The following PCSK2 variants were observed in gnomAD, a reference collection of about 807,000 sequenced individuals.
The protein encoded by PCSK2 is neuroendocrine convertase 2.
Under a neutral mutation model 69.7 loss-of-function variants are expected in PCSK2, and 14 were observed. The observed-to-expected ratio is 0.20, with a 90% CI of 0.13 to 0.31. The LOEUF is 0.31. Ranked by LOEUF, PCSK2 falls within the 10% of genes least tolerant of loss-of-function variation. The pLI is 1.00. For missense variants in PCSK2, 544 were observed against 842.5 expected, an observed-to-expected ratio of 0.65 and a Z score of 4.39; for synonymous variants, 307 against 320.7, an observed-to-expected ratio of 0.96 and a Z score of 0.46.
chr20:17,281,519 T>C (rs927011370), intron 2 of PCSK2, among the ~76,000 whole-genome samples: 1 of 152,222 alleles, frequency 6.6e-6, no homozygotes. Context: ...ACTCAGCTAT[T>C]GTATCAGTTC....
At chr20:17,427,755 G>C (rs1448845175) in intron 6 of PCSK2, among the ~76,000 whole-genome samples, 1 of 151,836 alleles carries the variant, frequency 6.6e-6, no homozygotes, top group African/African-American at 2.4e-5. Context: ...GGGCTGATTG[G>C]TTTAGGATGA....
chr20:17,396,654 G>A (rs1012976824), intron 5 of PCSK2, among the ~76,000 whole-genome samples: 5 of 149,602 alleles, frequency 3.3e-5, no homozygotes, highest in Non-Finnish European at 5.9e-5. Flanking sequence ...TCACTGTGTT[G>A]CCCAAGCTAG....
intron 2 of PCSK2, among the ~76,000 whole-genome samples, chr20:17,337,928 CA>C (rs3076245): frequency 5.7e-4 from 74 of 129,844 alleles, no homozygotes; most frequent in African/African-American, 9.8e-4. Flanking sequence ...AAACCCATCT[CA>C]AAAAAAAAAA....
intron 4 of PCSK2, among the ~76,000 whole-genome samples, chr20:17,367,306 T>C (rs1036135208): frequency 7.2e-5 from 11 of 152,228 alleles, no homozygotes; most frequent in African/African-American, 2.7e-4. Context: ...ATGTTAGGAC[T>C]AATGATGATA....
At chr20:17,232,397 C>T (rs1986171815) in intron 1 of PCSK2, among the ~76,000 whole-genome samples, 1 of 152,178 alleles carries the variant, frequency 6.6e-6, no homozygotes, top group Non-Finnish European at 1.5e-5. Flanking sequence ...AGTGTCTCAT[C>T]GTGACTTTAA....
At chr20:17,379,443 A>T (rs1485170609) in intron 5 of PCSK2, among the ~76,000 whole-genome samples, 1 of 152,256 alleles carries the variant, frequency 6.6e-6, no homozygotes, top group East Asian at 1.9e-4. Flanking sequence ...ATTAAGAAGG[A>T]TCAGACTCTG....
intron 2 of PCSK2, among the ~76,000 whole-genome samples, chr20:17,347,836 GAAAGA>G (rs1990697128): frequency 8.0e-6 from 1 of 124,492 alleles, no homozygotes; most frequent in Admixed American, 8.2e-5. Context: ...AAGAAAGAAA[GAAAGA>G]AAGAAAGAAA....
At chr20:17,295,922 C>A (rs1988878082) in intron 2 of PCSK2, among the ~76,000 whole-genome samples, 1 of 152,210 alleles carries the variant, frequency 6.6e-6, no homozygotes, top group African/African-American at 2.4e-5. Context: ...CCCAGCCCCT[C>A]CTCAAGCAAG....
At chr20:17,281,325 C>T (rs1988303251) in intron 2 of PCSK2, among the ~76,000 whole-genome samples, 1 of 152,114 alleles carries the variant, frequency 6.6e-6, no homozygotes, top group Non-Finnish European at 1.5e-5. Context: ...TTCTCCTGGC[C>T]CTGATGAAGA....
intron 6 of PCSK2, among the ~76,000 whole-genome samples, chr20:17,417,892 CTATTTTTG>C (rs2032036131): frequency 1.3e-5 from 2 of 152,214 alleles, no homozygotes; most frequent in African/African-American, 4.8e-5. Context: ...GGATTTTACT[CTATTTTTG>C]TATGTTTTTG....
chr20:17,291,250 T>C (rs1449829952), intron 2 of PCSK2, among the ~76,000 whole-genome samples: 1 of 152,210 alleles, frequency 6.6e-6, no homozygotes, highest in African/African-American at 2.4e-5. Context: ...TTTATGTATA[T>C]ACAAAATATG....
intron 7 of PCSK2, among the ~76,000 whole-genome samples, chr20:17,434,466 G>A (rs561047956): frequency 2.0e-5 from 3 of 152,120 alleles, no homozygotes; most frequent in Non-Finnish European, 4.4e-5. Flanking sequence ...AAAGAATGTC[G>A]GGTGCCTGGT....
chr20:17,444,555 C>T (rs1030204384), intron 8 of PCSK2, among the ~76,000 whole-genome samples: 4 of 152,132 alleles, frequency 2.6e-5, no homozygotes, highest in Non-Finnish European at 5.9e-5. Context: ...CAGTCAGAGG[C>T]CCCTGAATTA....
At chr20:17,253,365 T>G (rs1202333998) in intron 1 of PCSK2, among the ~76,000 whole-genome samples, 1 of 152,166 alleles carries the variant, frequency 6.6e-6, no homozygotes, top group Non-Finnish European at 1.5e-5. Flanking sequence ...TCACTCTTCA[T>G]TTCTGTCCCC....
At chr20:17,429,001 A>G (rs2032307840) in intron 6 of PCSK2, among the ~76,000 whole-genome samples, 5 of 89,274 alleles carry the variant, frequency 5.6e-5, no homozygotes, top group Non-Finnish European at 1.5e-4. Context: ...CTGTCTCAAA[A>G]AAAAAAAAAA....
chr20:17,303,045 T>G (rs1989138668), intron 2 of PCSK2, among the ~76,000 whole-genome samples: 1 of 151,516 alleles, frequency 6.6e-6, no homozygotes, highest in Admixed American at 6.6e-5. Flanking sequence ...CTCCTAAACT[T>G]TTTTCTATAA....
chr20:17,367,074 G>T (rs1600525580), intron 4 of PCSK2, among the ~76,000 whole-genome samples: 1 of 151,234 alleles, frequency 6.6e-6, no homozygotes, highest in African/African-American at 2.4e-5. Flanking sequence ...CACACACAGA[G>T]AATATATTTT....
intron 2 of PCSK2, among the ~76,000 whole-genome samples, chr20:17,330,821 T>C (rs1339867858): frequency 2.0e-5 from 3 of 152,142 alleles, no homozygotes; most frequent in Admixed American, 2.0e-4. Context: ...AACCATCCCC[T>C]GTGGTTGTAA....
chr20:17,411,122 A>T (rs1325523851), intron 6 of PCSK2, among the ~76,000 whole-genome samples: 1 of 152,228 alleles, frequency 6.6e-6, no homozygotes, highest in East Asian at 1.9e-4. Flanking sequence ...CCACTCCAAG[A>T]TGGCCAAATA....
Sources: allele counts gnomAD v4.1 joint callset (sites outside exome capture counted in the v4.1 genomes callset), GRCh38; gene constraint gnomAD v4.1.1; transcripts MANE v1.5; gene names NCBI Gene and HGNC (gene_info 2026-07-23, HGNC 2026-07-21).